Variants in SPON1 observed in about 807,000 individuals in gnomAD.
SPON1 encodes spondin-1.
A neutral mutation model predicts 111.7 loss-of-function variants in SPON1; 52 were observed. The observed-to-expected ratio is 0.47, with a 90% CI of 0.37 to 0.59. SPON1 has a LOEUF of 0.59. Among genes scored for constraint, SPON1 ranks in the 20% least tolerant of loss-of-function variants. The pLI, the probability that SPON1 is intolerant of heterozygous loss-of-function variation, is 0.00. For synonymous variants in SPON1, 410 were observed against 395.8 expected, an observed-to-expected ratio of 1.04 and a Z score of -0.43; for missense variants, 957 against 1,068.5, an observed-to-expected ratio of 0.90 and a Z score of 1.46.
chr11:14,032,482 G>A (rs1459318901), intron 2 of SPON1, among the ~76,000 whole-genome samples: 1 of 152,164 alleles, frequency 6.6e-6, no homozygotes, highest in Non-Finnish European at 1.5e-5. Context: ...GTTAGGAGAG[G>A]GGTGCACGGC....
At chr11:14,054,559 T>G (rs1848730619) in intron 3 of SPON1, among the ~76,000 whole-genome samples, 1 of 137,314 alleles carries the variant, frequency 7.3e-6, no homozygotes, top group Non-Finnish European at 1.7e-5. Context: ...AAGTCTAGTT[T>G]TCTTTTCTTT....
chr11:14,059,213 G>A (rs1432136816), intron 3 of SPON1, among the ~76,000 whole-genome samples: 1 of 152,148 alleles, frequency 6.6e-6, no homozygotes, highest in South Asian at 2.1e-4. Context: ...TGGCTGCAGA[G>A]TCAGCACAGC....
At chr11:14,150,316 G>T (rs1258033440) in intron 6 of SPON1, among the ~76,000 whole-genome samples, 9 of 151,914 alleles carry the variant, frequency 5.9e-5, no homozygotes, top group Non-Finnish European at 1.3e-4. Context: ...ACTGGAGACT[G>T]GGAGTCAGGG....
At position 14,041,608 on chromosome 11, in the gene SPON1, G is replaced by C. The variant is rs1848631902; in HGVS notation, c.433G>C (p.Val145Leu). 2.5e-6 allele frequency: 4 copies of C among 1,613,786 alleles called. No homozygotes were observed. The highest frequency in any genetic ancestry group is 3.4e-6 in the Non-Finnish European group (4 of 1,179,886). The change falls in exon 3 of 16, where the codon GTG becomes CTG. Residue 145 changes from valine (V) to leucine (L), a missense_variant. By Grantham distance (32) the Val-to-Leu change is conservative. This residue lies in a region of SPON1 where 262 missense variants were observed against 253.9 expected (regional missense o/e 1.03). Transcript: ENST00000576479. ...STPRRRTRIQ[V>L]FWIAPPAGTG... The stretch of plus-strand genomic sequence containing the variant: ...TCCACGGAGGAGGACCCGGATCCAG[G>C]TGTTTTGGATAGCACCACCAGCGGG...
chr11:14,161,175 C>A (rs183826031), intron 6 of SPON1, among the ~76,000 whole-genome samples: 4 of 8,474 alleles, frequency 4.7e-4, no homozygotes, highest in African/African-American at 7.4e-4. Context: ...ATCTATATAT[C>A]TATATATTTA....
intron 2 of SPON1, among the ~76,000 whole-genome samples, chr11:14,030,539 A>G (rs1479618947): frequency 6.6e-6 from 1 of 152,188 alleles, no homozygotes; most frequent in Non-Finnish European, 1.5e-5. Flanking sequence ...GGAAGAGAAA[A>G]TAAAGCAAGT....
Position 14,180,678 on chromosome 11 carries a change from G to A in SPON1, c.825+45110G>A, listed in dbSNP as rs548961761. Among the ~76,000 whole-genome samples the A allele has an allele frequency of 2.0e-5, 3 of 152,306 alleles. No individual in the cohort carries two copies. The East Asian group carries it at 5.8e-4, about 29-fold the overall frequency. On this transcript the variant is annotated intron_variant, in intron 6 of 15. Coordinates refer to ENST00000576479, the MANE Select transcript of SPON1 (RefSeq NM_006108.4). ...TGCCCTAATAGACTGGGCAGTTCCT[G>A]AGGACAGGGACTATGCCTTCTTTAA...
At chr11:14,160,681 A>ATATATATT (rs1554930953) in intron 6 of SPON1, among the ~76,000 whole-genome samples, 1 of 8,240 alleles carries the variant, frequency 1.2e-4, no homozygotes, top group African/African-American at 6.6e-4. Context: ...ACATATATTT[A>ATATATATT]TATATATATT....
At chr11:14,154,097 C>G (rs1443905367) in intron 6 of SPON1, among the ~76,000 whole-genome samples, 1 of 152,176 alleles carries the variant, frequency 6.6e-6, no homozygotes, top group Non-Finnish European at 1.5e-5. Flanking sequence ...GCATCAAGTG[C>G]CTGCAGCTTT....
At chr11:14,016,191 T>A (rs56356622) in intron 2 of SPON1, among the ~76,000 whole-genome samples, 1 of 152,244 alleles carries the variant, frequency 6.6e-6, no homozygotes, top group Non-Finnish European at 1.5e-5. Context: ...CTTTCTTTCC[T>A]TCCTTTCTCA....
At chr11:14,111,188 G>A (rs1554925423) in intron 5 of SPON1, among the ~76,000 whole-genome samples, 1 of 152,104 alleles carries the variant, frequency 6.6e-6, no homozygotes. Context: ...CTCAACCCTT[G>A]GGCAGCAATC....
intron 1 of SPON1, among the ~76,000 whole-genome samples, chr11:13,970,639 C>G (rs1204772338): frequency 2.0e-5 from 3 of 152,142 alleles, no homozygotes; most frequent in Non-Finnish European, 2.9e-5. Context: ...CCTGCCAACA[C>G]TATCCTTTGA....
At chr11:14,057,628 A>G (rs919156260) in intron 3 of SPON1, among the ~76,000 whole-genome samples, 4 of 152,086 alleles carry the variant, frequency 2.6e-5, no homozygotes, top group African/African-American at 9.7e-5. Flanking sequence ...CTTACTCTCA[A>G]ATGCTTCAGG....
intron 6 of SPON1, among the ~76,000 whole-genome samples, chr11:14,145,847 A>G (rs1190690219): frequency 6.6e-6 from 1 of 152,182 alleles, no homozygotes; most frequent in African/African-American, 2.4e-5. Context: ...CAGCTATTAA[A>G]AAGAATAAGG....
At chr11:14,008,612 A>G (rs1408921300) in intron 2 of SPON1, among the ~76,000 whole-genome samples, 1 of 152,204 alleles carries the variant, frequency 6.6e-6, no homozygotes, top group Non-Finnish European at 1.5e-5. Context: ...GCTAAAGTTA[A>G]TAAACCTACC....
intron 3 of SPON1, among the ~76,000 whole-genome samples, chr11:14,052,878 C>T (rs560499713): frequency 1.3e-5 from 2 of 152,306 alleles, no homozygotes; most frequent in Non-Finnish European, 2.9e-5. Flanking sequence ...GCTCTAGGCA[C>T]AGCAGTAAAC....
intron 5 of SPON1, among the ~76,000 whole-genome samples, chr11:14,126,947 C>T (rs1405557244): frequency 2.0e-5 from 3 of 152,100 alleles, no homozygotes; most frequent in African/African-American, 7.2e-5. Context: ...TAGATGATTC[C>T]TTGACTCCTT....
chr11:14,053,048 C>T (rs1206868730), intron 3 of SPON1, among the ~76,000 whole-genome samples: 4 of 152,196 alleles, frequency 2.6e-5, no homozygotes, highest in African/African-American at 9.7e-5. Context: ...AATCCTCTTC[C>T]ACTGATGGAG....
intron 5 of SPON1, among the ~76,000 whole-genome samples, chr11:14,091,089 A>G (rs1849051565): frequency 6.6e-6 from 1 of 151,214 alleles, no homozygotes; most frequent in Non-Finnish European, 1.5e-5. Context: ...ACAATCCCTG[A>G]GCTAGACATA....
Sources: allele counts gnomAD v4.1 joint callset (sites outside exome capture counted in the v4.1 genomes callset), GRCh38; gene constraint gnomAD v4.1.1; regional missense constraint gnomAD v4.1.1; transcripts MANE v1.5; gene names NCBI Gene and HGNC (gene_info 2026-07-23, HGNC 2026-07-21).